Variants in CSMD1 observed in about 807,000 individuals in gnomAD.
CSMD1 encodes CUB and Sushi multiple domains 1.
Under a neutral mutation model 417.5 loss-of-function variants are expected in CSMD1, and 213 were observed. The ratio of observed to expected loss-of-function variants is 0.51; its 90% CI spans 0.46 to 0.57. The LOEUF (loss-of-function observed/expected upper bound fraction) is 0.57. Among genes scored for constraint, CSMD1 ranks in the 20% least tolerant of loss-of-function variants. CSMD1 has a pLI of 0.00. For missense variants in CSMD1, 6,923 were observed against 4,529.7 expected (o/e 1.53, Z -15.17); for synonymous variants, 2,862 against 1,736.8 (o/e 1.65, Z -16.11).
At chr8:4,293,012 G>A (rs1797457296) in intron 3 of CSMD1, among the ~76,000 whole-genome samples, 2 of 152,316 alleles carry the variant, frequency 1.3e-5, no homozygotes, top group South Asian at 2.1e-4. Flanking sequence ...GAGGGGCAAG[G>A]GAGGGAAAGT....
chr8:4,356,205 G>A (rs1164845848), intron 3 of CSMD1, among the ~76,000 whole-genome samples: 5 of 152,132 alleles, frequency 3.3e-5, no homozygotes, highest in East Asian at 3.8e-4. Flanking sequence ...AAGATACAAT[G>A]TTTGGTTTTC....
intron 5 of CSMD1, among the ~76,000 whole-genome samples, chr8:3,799,023 T>A (rs1390451250): frequency 2.6e-5 from 4 of 152,042 alleles, no homozygotes; most frequent in African/African-American, 7.2e-5. Context: ...CTTTTTCAGA[T>A]CTGAAAAAGT....
At chr8:4,953,580 T>A (rs908950339) in intron 1 of CSMD1, among the ~76,000 whole-genome samples, 5 of 152,178 alleles carry the variant, frequency 3.3e-5, no homozygotes, top group African/African-American at 1.2e-4. Context: ...GAGAAACGAT[T>A]GTCAACTAGT....
intron 18 of CSMD1, among the ~76,000 whole-genome samples, chr8:3,381,100 G>C (rs1025086318): frequency 1.3e-5 from 2 of 152,010 alleles, no homozygotes; most frequent in East Asian, 3.9e-4. Context: ...ACCAGATCAA[G>C]AGCATACGTA....
intron 3 of CSMD1, among the ~76,000 whole-genome samples, chr8:4,291,496 C>T (rs890382665): frequency 6.6e-6 from 1 of 152,110 alleles, no homozygotes; most frequent in African/African-American, 2.4e-5. Flanking sequence ...CCCAGTGATT[C>T]TGACATTTCA....
chr8:3,991,142 C>T (rs530042030), intron 5 of CSMD1, among the ~76,000 whole-genome samples: 9 of 152,316 alleles, frequency 5.9e-5, no homozygotes, highest in Non-Finnish European at 8.8e-5. Context: ...AAATTGGCCC[C>T]ACAGTAGACA....
At chr8:3,009,776 G>A (rs1479270903) in intron 52 of CSMD1, among the ~76,000 whole-genome samples, 1 of 152,118 alleles carries the variant, frequency 6.6e-6, no homozygotes, top group South Asian at 2.1e-4. Context: ...GGCTTGCAGA[G>A]CATACAACAC....
At chr8:3,770,862 G>A (rs73658249) in intron 5 of CSMD1, among the ~76,000 whole-genome samples, 2,085 of 152,252 alleles carry the variant, frequency 0.014, 40 homozygotes, top group African/African-American at 0.048. Context: ...AAATGGTCCT[G>A]TAGCTCATAT....
chr8:4,384,868 C>G (rs976057342), intron 3 of CSMD1, among the ~76,000 whole-genome samples: 3 of 150,464 alleles, frequency 2.0e-5, no homozygotes, highest in African/African-American at 7.2e-5. Context: ...TTAACAAATA[C>G]AACTGCTCTA....
At chr8:3,593,014 T>C (rs1016607290) in intron 8 of CSMD1, among the ~76,000 whole-genome samples, 9 of 152,278 alleles carry the variant, frequency 5.9e-5, no homozygotes, top group East Asian at 1.9e-4. Context: ...TCCTGGCCTG[T>C]GCTTGGATAT....
chr8:4,005,538 C>A (rs1052938964), intron 4 of CSMD1, among the ~76,000 whole-genome samples: 1 of 152,164 alleles, frequency 6.6e-6, no homozygotes, highest in African/African-American at 2.4e-5. Context: ...CGAATTGGCT[C>A]ATTCTTTATT....
intron 1 of CSMD1, among the ~76,000 whole-genome samples, chr8:4,922,791 C>A (rs926277682): frequency 6.6e-5 from 10 of 152,164 alleles, no homozygotes; most frequent in Non-Finnish European, 1.0e-4. Context: ...AAAGTCACCC[C>A]AAGAAGTGTT....
chr8:4,080,131 T>C (rs895960005), intron 3 of CSMD1, among the ~76,000 whole-genome samples: 4 of 152,014 alleles, frequency 2.6e-5, no homozygotes, highest in African/African-American at 9.7e-5. Flanking sequence ...CCCCCATAGG[T>C]ACACCTGCTC....
intron 5 of CSMD1, among the ~76,000 whole-genome samples, chr8:3,862,440 A>C (rs138681305): frequency 6.6e-6 from 1 of 152,264 alleles, no homozygotes; most frequent in African/African-American, 2.4e-5. Flanking sequence ...CTCCTGGAAT[A>C]AGTGTTCCTT....
rs573023886 is a variant in CSMD1, at chr8:2,954,542, G to T, written c.9995-274C>A. On this transcript the variant is annotated intron_variant, in intron 64 of 69. Transcript: ENST00000635120. ...TACAACAGAGAGCCTTGCAAAGGAG[G>T]GTGCCTTCTATGACATTTCTTGTAT... Among the ~76,000 whole-genome samples, 31 of 152,012 alleles carry T rather than the reference G, an allele frequency of 2.0e-4. 1 individual carries two copies. The East Asian group carries it at 5.8e-3, about 29-fold the overall frequency.
chr8:3,505,117 G>T (rs75443491), intron 10 of CSMD1, among the ~76,000 whole-genome samples: 1 of 152,096 alleles, frequency 6.6e-6, no homozygotes, highest in Non-Finnish European at 1.5e-5. Flanking sequence ...AAGCATCACA[G>T]GCAGATTTCA....
intron 18 of CSMD1, among the ~76,000 whole-genome samples, chr8:3,371,132 C>G (rs1809919729): frequency 6.6e-6 from 1 of 152,196 alleles, no homozygotes; most frequent in Non-Finnish European, 1.5e-5. Context: ...CAGTCTCAGA[C>G]TTAATTATGC....
chr8:4,181,131 A>G (rs541656771), intron 3 of CSMD1, among the ~76,000 whole-genome samples: 21 of 152,348 alleles, frequency 1.4e-4, no homozygotes, highest in Admixed American at 5.9e-4. Flanking sequence ...AAGTGCTGCG[A>G]AACAGCCATC....
At chr8:3,022,251 G>C (rs544493584) in intron 51 of CSMD1, among the ~76,000 whole-genome samples, 1 of 140,864 alleles carries the variant, frequency 7.1e-6, no homozygotes, top group Non-Finnish European at 1.5e-5. Flanking sequence ...ACAGCATCTG[G>C]AATGCACCCG....
Sources: gnomAD v4.1 joint callset for allele counts (sites outside exome capture counted in the v4.1 genomes callset) on GRCh38, gnomAD v4.1.1 for gene constraint, MANE v1.5 for transcripts, NCBI Gene and HGNC (gene_info 2026-07-23, HGNC 2026-07-21) for gene names.